The following BBS12 variants were observed in gnomAD, a reference collection of about 807,000 sequenced individuals.
BBS12 encodes the protein chaperonin-containing T-complex member BBS12.
Under a neutral mutation model 5.6 loss-of-function variants are expected in BBS12, and 5 were observed. The ratio of observed to expected loss-of-function variants is 0.89; its 90% CI spans 0.46 to 1.86. The LOEUF (loss-of-function observed/expected upper bound fraction) is 1.86. Among genes scored for constraint, BBS12 ranks in the 40% most tolerant of loss-of-function variants. The probability of loss-of-function intolerance (pLI) is 0.01; values close to 1 mark genes in which losing one functional copy is unlikely to be tolerated. For synonymous variants in BBS12, 308 were observed against 306.8 expected, an observed-to-expected ratio of 1.00 and a Z score of -0.04; for missense variants, 748 against 830.4, an observed-to-expected ratio of 0.90 and a Z score of 1.22.
chr4:122,717,471 C>T, the BBS12 span, among the ~76,000 whole-genome samples: 1 of 152,182 alleles, frequency 6.6e-6, no homozygotes, highest in African/African-American at 2.4e-5. Context: ...TTAAGAATTA[C>T]TTCACTCATT....
At chr4:122,733,422 C>CAT (rs1560702530) in intron 1 of BBS12, among the ~76,000 whole-genome samples, 1 of 140,770 alleles carries the variant, frequency 7.1e-6, no homozygotes, top group African/African-American at 2.8e-5. Context: ...CACACACACA[C>CAT]ACATCCAGCC....
the BBS12 span, among the ~76,000 whole-genome samples, chr4:122,716,590 T>C: frequency 1.4e-5 from 2 of 140,554 alleles, no homozygotes; most frequent in Non-Finnish European, 3.1e-5. Flanking sequence ...TATATACACA[T>C]ATGTATGTAT....
At chr4:122,726,654 T>G in the BBS12 span, among the ~76,000 whole-genome samples, 4 of 127,534 alleles carry the variant, frequency 3.1e-5, no homozygotes, top group African/African-American at 1.4e-4. Context: ...ACATCCATGT[T>G]TATAGCAGCA....
At chr4:122,725,979 GAC>G in the BBS12 span, among the ~76,000 whole-genome samples, 1 of 149,870 alleles carries the variant, frequency 6.7e-6, no homozygotes, top group African/African-American at 2.5e-5. Context: ...TCTAAAAGAC[GAC>G]ATCGGAAATA....
At chr4:122,725,140 A>C in the BBS12 span, among the ~76,000 whole-genome samples, 1 of 152,162 alleles carries the variant, frequency 6.6e-6, no homozygotes, top group African/African-American at 2.4e-5. Context: ...GTAAACTTAA[A>C]ATGTAGAGGC....
the BBS12 span, among the ~76,000 whole-genome samples, chr4:122,718,963 G>T: frequency 5.9e-5 from 9 of 152,240 alleles, no homozygotes; most frequent in South Asian, 6.2e-4. Context: ...GGGACTACAG[G>T]CGCCCACCAC....
Position 122,744,247 on chromosome 4 carries a change from C to A in BBS12, c.*222C>A. On this transcript the variant is annotated 3_prime_UTR_variant, in exon 2 of 2. Coordinates refer to ENST00000314218, the MANE Select transcript of BBS12 (RefSeq NM_152618.3). ...GGGATGCTACAGAATGCATAAGACACCTGGGTCAGAAACAAAGGACTTATC... is the reference window on the plus strand; with the variant it reads ...GGGATGCTACAGAATGCATAAGACAACTGGGTCAGAAACAAAGGACTTATC... 1 of 528,338 alleles carries A rather than the reference C, an allele frequency of 1.9e-6. No homozygotes were observed. Among genetic ancestry groups the A allele is most frequent in the South Asian group, 2.3e-5 (1 of 43,920 alleles). 32.7% of individuals were successfully genotyped at this position (528,338 alleles called of 1,614,324 possible). A position where few individuals can be genotyped will look rare whatever the true frequency, so the allele number is the denominator to read the frequency against.
intron 1 of BBS12, among the ~76,000 whole-genome samples, chr4:122,738,364 C>A (rs1365277588): frequency 1.3e-5 from 2 of 152,106 alleles, no homozygotes; most frequent in Non-Finnish European, 2.9e-5. Flanking sequence ...GTGCCTGTCA[C>A]CATGCCCGGC....
the BBS12 span, among the ~76,000 whole-genome samples, chr4:122,715,320 GAAA>G: frequency 1.8e-5 from 2 of 108,114 alleles, no homozygotes; most frequent in Admixed American, 9.6e-5. Flanking sequence ...ATCTCTATTT[GAAA>G]AAAAAAAAAA....
chr4:122,739,405 ATGTCCC>A (rs576452769), intron 1 of BBS12, among the ~76,000 whole-genome samples: 300 of 152,336 alleles, frequency 2.0e-3, no homozygotes, highest in African/African-American at 6.3e-3. Flanking sequence ...CTGTGGCTGG[ATGTCCC>A]ACAGCACTAT....
chr4:122,708,567 T>G, the BBS12 span, among the ~76,000 whole-genome samples: 1 of 145,428 alleles, frequency 6.9e-6, no homozygotes, highest in Non-Finnish European at 1.5e-5. Flanking sequence ...GTCATAACAG[T>G]AGTAGTAATT....
chr4:122,723,431 C>T, the BBS12 span, among the ~76,000 whole-genome samples: 1 of 152,156 alleles, frequency 6.6e-6, no homozygotes. Context: ...AAGCATTTAG[C>T]TTTCGCTCCA....
the BBS12 span, among the ~76,000 whole-genome samples, chr4:122,709,800 G>C: frequency 6.6e-6 from 1 of 151,884 alleles, no homozygotes; most frequent in African/African-American, 2.4e-5. Flanking sequence ...GATTACAGGC[G>C]TATGCCACCA....
At chr4:122,700,636 G>C in the BBS12 span, among the ~76,000 whole-genome samples, 1 of 152,206 alleles carries the variant, frequency 6.6e-6, no homozygotes, top group Non-Finnish European at 1.5e-5. Context: ...GCTCAGACAA[G>C]TTGGTAACCG....
At position 122,742,791 on chromosome 4, in the gene BBS12, A is replaced by C; in HGVS notation, c.899A>C (p.Gln300Pro). 6.2e-7 allele frequency: 1 copy of C among 1,614,258 alleles called. No homozygotes were observed. The highest frequency in any genetic ancestry group is 8.5e-7 in the Non-Finnish European group (1 of 1,180,040). Residue 300 changes from glutamine to proline, a missense_variant, in exon 2 of 2, where the codon CAA (glutamine) becomes CCA (proline). By Grantham distance (76) the Gln-to-Pro change is moderately conservative. Coordinates refer to ENST00000314218, the MANE Select transcript of BBS12 (RefSeq NM_152618.3). The part of the protein sequence containing the change: ...VQLQYQNACV[Q>P]QGNCTKPFMF... ...CTGCAATATCAGAATGCTTGTGTGC[A>C]ACAAGGCAACTGTACAAAACCATTT...
chr4:122,707,943 C>CCCTTCCTTCCTTCCTT, the BBS12 span, among the ~76,000 whole-genome samples: 531 of 143,232 alleles, frequency 3.7e-3, 6 homozygotes, highest in Middle Eastern at 7.2e-3. Flanking sequence ...ACACTCCTTT[C>CCCTTCCTTCCTTCCTT]CCTTCCTTCC....
chr4:122,743,670 A>G lies in BBS12; in HGVS notation c.1778A>G (p.Asn593Ser). The G allele has an allele frequency of 6.2e-7, 1 of 1,614,190 alleles. No homozygotes were observed. The highest frequency in any genetic ancestry group is 8.5e-7 in the Non-Finnish European group (1 of 1,180,024). The change falls in exon 2 of 2, where the codon AAT (asparagine) becomes AGT (serine). Residue 593 changes from asparagine (N) to serine (S), a missense_variant. Coordinates refer to ENST00000314218, the MANE Select transcript of BBS12 (RefSeq NM_152618.3). The stretch of plus-strand genomic sequence containing the variant: ...CCAACTGTGCTTAAATTCCTGGCAA[A>G]TGGATGGCAGAAATACCTTTCAACT... ...YRPTVLKFLA[N>S]GWQKYLSTLL...
chr4:122,725,423 C>T, the BBS12 span, among the ~76,000 whole-genome samples: 1 of 152,140 alleles, frequency 6.6e-6, no homozygotes, highest in South Asian at 2.1e-4. Context: ...GGCACATAGA[C>T]CAATGGAACA....
At chr4:122,726,987 C>A in the BBS12 span, among the ~76,000 whole-genome samples, 2 of 152,080 alleles carry the variant, frequency 1.3e-5, no homozygotes, top group African/African-American at 2.4e-5. Context: ...CAAAAAACTA[C>A]AAATTGGGTT....
Sources: gnomAD v4.1 joint callset for allele counts (sites outside exome capture counted in the v4.1 genomes callset) on GRCh38, gnomAD v4.1.1 for gene constraint, MANE v1.5 for transcripts, NCBI Gene and HGNC (gene_info 2026-07-23, HGNC 2026-07-21) for gene names.